CRHBP: variants seen among roughly 807,000 people sequenced by gnomAD.
The protein encoded by CRHBP is corticotropin-releasing hormone-binding protein.
In CRHBP, 19 loss-of-function variants were observed where a neutral mutation model predicts 34.9. The ratio of observed to expected loss-of-function variants is 0.55; its 90% confidence interval spans 0.38 to 0.80. The LOEUF is 0.80. Among genes scored for constraint, CRHBP ranks in the 30% least tolerant of loss-of-function variants. The probability of loss-of-function intolerance (pLI) is 0.00; values close to 1 mark genes in which losing one functional copy is unlikely to be tolerated. For synonymous variants in CRHBP, 154 were observed against 153.4 expected (o/e 1.00, Z -0.03); for missense variants, 328 against 409.2 (o/e 0.80, Z 1.71).
chr5:76,953,954 G>A, intron 2 of CRHBP, 75 bp from the exon 3 acceptor site: 3 of 1,517,416 alleles, frequency 2.0e-6, no homozygotes, highest in Admixed American at 2.0e-5. Context: ...TGGGGCGCGC[G>A]GAGAGCGGCC....
In CRHBP at chr5:76,955,747, G is replaced by C; in HGVS notation, c.428G>C (p.Ser143Thr). The change falls in exon 4 of 7, where the codon AGT becomes ACT. Residue 143 changes from serine to threonine, a missense_variant. Transcript: ENST00000274368. Reference protein sequence around the residue: ...SAERYIDFCESGLSRRSIRSS... With the variant: ...SAERYIDFCETGLSRRSIRSS... ...GAGCGGTACATAGATTTCTGTGAGA[G>C]TGGTCTTAGCAGGAGGAGCATCAGA... is the stretch of plus-strand genomic sequence containing the variant. The C allele has an allele frequency of 6.2e-7, 1 of 1,614,214 alleles. No individual in the cohort carries two copies. Among genetic ancestry groups the C allele is most frequent in the Non-Finnish European group, 8.5e-7 (1 of 1,180,046 alleles).
At chr5:76,968,667 A>T in intron 6 of CRHBP, 61 bp from the exon 7 acceptor site, 1 of 1,518,536 alleles carries the variant, frequency 6.6e-7, no homozygotes, top group Non-Finnish European at 8.9e-7. Flanking sequence ...CCCGTCATTT[A>T]AATGATGACT....
intron 2 of CRHBP, among the ~76,000 whole-genome samples, chr5:76,975,825 A>AAAAAAAAAAAAAATATATATAT: frequency 1.6e-5 from 1 of 61,854 alleles, no homozygotes; most frequent in African/African-American, 9.1e-5. Context: ...AAAAAAAAAA[A>AAAAAAAAAAAAAATATATATAT]ATATATATAT....
chr5:76,962,507 G>A (rs761109924), intron 5 of CRHBP, among the ~76,000 whole-genome samples: 5 of 151,976 alleles, frequency 3.3e-5, no homozygotes, highest in Non-Finnish European at 7.4e-5. Flanking sequence ...GGCTGGGTGA[G>A]GTGGCTCACA....
At chr5:76,959,034 C>G in intron 5 of CRHBP, 145 bp downstream of exon 5, 1 of 806,122 alleles carries the variant, frequency 1.2e-6, no homozygotes, top group South Asian at 2.7e-5. Context: ...TGTGTTTGCC[C>G]TAGCTGCTTT....
intron 1 of CRHBP, 40 bp downstream of exon 1, chr5:76,953,255 G>A (rs375478994): frequency 6.3e-7 from 1 of 1,591,972 alleles, no homozygotes; most frequent in Non-Finnish European, 8.6e-7. Flanking sequence ...CCTTCCTTGC[G>A]TGTTAGCCCT....
chr5:76,962,888 T>C (rs527964673), intron 5 of CRHBP, among the ~76,000 whole-genome samples: 1 of 152,254 alleles, frequency 6.6e-6, no homozygotes, highest in East Asian at 1.9e-4. Flanking sequence ...AGAGATGAGG[T>C]GAAGGAAAAA....
At chr5:76,956,802 GAAA>G (rs897669722) in intron 4 of CRHBP, among the ~76,000 whole-genome samples, 1 of 151,868 alleles carries the variant, frequency 6.6e-6, no homozygotes, top group African/African-American at 2.4e-5. Flanking sequence ...TAAAAAATTA[GAAA>G]AGGAACACAT....
At chr5:76,954,352 C>T (rs1444695200) in intron 3 of CRHBP, among the ~76,000 whole-genome samples, 166 bp downstream of exon 3, 1 of 152,202 alleles carries the variant, frequency 6.6e-6, no homozygotes, top group Middle Eastern at 3.2e-3. Flanking sequence ...AGGACCCCCA[C>T]ACGGCGAGAA....
At chr5:76,971,008 G>A (rs1580098600), downstream of CRHBP, among the ~76,000 whole-genome samples, 1 of 152,178 alleles carries the variant, frequency 6.6e-6, no homozygotes. Context: ...CTTAGCCTAT[G>A]TTCCAAAAGG....
intron 6 of CRHBP, among the ~76,000 whole-genome samples, chr5:76,968,270 G>A (rs1745891563): frequency 7.2e-6 from 1 of 139,748 alleles, no homozygotes; most frequent in Non-Finnish European, 1.5e-5. Context: ...CCCACTAAAT[G>A]CCCCTTGCAA....
intron 4 of CRHBP, 150 bp downstream of exon 4, chr5:76,956,013 A>G (rs1290138953): frequency 9.1e-6 from 6 of 656,500 alleles, no homozygotes; most frequent in Non-Finnish European, 1.5e-5. Flanking sequence ...GATAGTTTCT[A>G]TTCTTTATTA....
chr5:76,961,868 C>G (rs1005622788), intron 5 of CRHBP, among the ~76,000 whole-genome samples: 11 of 152,182 alleles, frequency 7.2e-5, no homozygotes. Context: ...ATTCTCCCAC[C>G]TCAGCTTCCC....
chr5:76,953,726 C>G (rs763283291), intron 2 of CRHBP, 32 bp downstream of exon 2: 2 of 1,570,542 alleles, frequency 1.3e-6, no homozygotes, highest in Admixed American at 1.8e-5. Flanking sequence ...CGCGGGCGCC[C>G]GGGACGCGGG....
downstream of CRHBP, among the ~76,000 whole-genome samples, chr5:76,973,067 G>T: frequency 6.6e-6 from 1 of 152,182 alleles, no homozygotes; most frequent in South Asian, 2.1e-4. Flanking sequence ...CCACATAGAC[G>T]GCTGCCTATT....
In CRHBP at chr5:76,958,767, A is replaced by G. The variant is rs529210191; in HGVS notation, c.571A>G (p.Asn191Asp). Reference sequence around the variant, plus strand: ...TTGCAATGTCATTTCTCAGACTCCAAATGGAAAGTTTACCCTGGTAGTTCC... The same window carrying G: ...TTGCAATGTCATTTCTCAGACTCCAGATGGAAAGTTTACCCTGGTAGTTCC... Reference protein sequence around the residue: ...FPCNVISQTPNGKFTLVVPHQ... With the variant: ...FPCNVISQTPDGKFTLVVPHQ... The change falls in exon 5 of 7, where the codon AAT becomes GAT. Residue 191 changes from asparagine to aspartate, a missense_variant. Transcript: ENST00000274368. 1.4e-5 allele frequency: 23 copies of G among 1,611,742 alleles called. No individual in the cohort carries two copies. The highest frequency in any genetic ancestry group is 3.4e-5 in the Admixed American group (2 of 59,386).
In CRHBP at chr5:76,980,079, G is replaced by A. The variant is rs1341500241; in HGVS notation, n.468-882G>A. ...ATCCTGGCTAACACGGTGAAACCCC[G>A]TCTCTACTAAAAATACAAAAAAAAA... On this transcript the variant is annotated intron_variant and non_coding_transcript_variant, in intron 3 of 3. Transcript: ENST00000514258. Among the ~76,000 whole-genome samples, 5 of 151,156 alleles carry A rather than the reference G, an allele frequency of 3.3e-5. 1 individual carries two copies. The highest frequency in any genetic ancestry group is 6.6e-5 in the Admixed American group (1 of 15,198).
chr5:76,979,028 C>T (rs1746080032), intron 3 of CRHBP, among the ~76,000 whole-genome samples: 1 of 152,226 alleles, frequency 6.6e-6, no homozygotes, highest in Non-Finnish European at 1.5e-5. Context: ...CTTTCAGTAA[C>T]CACTGCCCTT....
chr5:76,953,210 C>T lies in CRHBP; in HGVS notation c.76C>T (p.Leu26=). The T allele has an allele frequency of 1.2e-6, 2 of 1,614,126 alleles. No individual in the cohort carries two copies. The highest frequency in any genetic ancestry group is 1.7e-6 in the Non-Finnish European group (2 of 1,179,964). ...LTALRGESRY[L]ELREAADYDP... is the part of the protein sequence containing the mutation. ...GGCTCTAAGAGGGGAAAGCCGGTAC[C>T]TAGAGGTGAGCCACCCCTGGACTGA... The change falls in exon 1 of 7, where the codon CTA becomes TTA. Residue 26 remains leucine (L), a synonymous_variant. Coordinates refer to ENST00000274368, the MANE Select transcript of CRHBP (RefSeq NM_001882.4).
Sources: gnomAD v4.1 joint callset for allele counts (sites outside exome capture counted in the v4.1 genomes callset) on GRCh38, gnomAD v4.1.1 for gene constraint, MANE v1.5 for transcripts, NCBI Gene and HGNC (gene_info 2026-07-23, HGNC 2026-07-21) for gene names.